DIS3L2: variants seen among roughly 807,000 people sequenced by gnomAD.
DIS3L2 encodes DIS3-like exonuclease 2.
DIS3L2 carries 34 observed loss-of-function variants against 97.5 expected under a neutral mutation model. The observed-to-expected ratio is 0.35, with a 90% CI of 0.27 to 0.46. The LOEUF (loss-of-function observed/expected upper bound fraction) is 0.46, where lower values mean the gene tolerates loss of function less well. Ranked by LOEUF, DIS3L2 falls within the 20% of genes least tolerant of loss-of-function variation. The pLI is 1.00. For synonymous variants in DIS3L2, 435 were observed against 445.2 expected, an observed-to-expected ratio of 0.98 and a Z score of 0.29; for missense variants, 1,038 against 1,146.0, an observed-to-expected ratio of 0.91 and a Z score of 1.36.
chr2:232,327,438 A>G (rs2106345471), intron 14 of DIS3L2, among the ~76,000 whole-genome samples: 1 of 152,358 alleles, frequency 6.6e-6, no homozygotes, highest in Non-Finnish European at 1.5e-5. Flanking sequence ...ATGGGGAGAA[A>G]AGTCCAGAAC....
chr2:232,325,708 T>C lies in DIS3L2; in HGVS notation c.1740-4105T>C, dbSNP rs1695552006. ...CCCCGTCTCCGAGGCCTTAGCTTGC[T>C]GTTCTGGAAGGTGATGCTGGCTGGC... is the stretch of plus-strand genomic sequence containing the variant. On this transcript the variant is annotated intron_variant, in intron 14 of 20. Transcript: ENST00000325385. The surrounding 1 kb of genome is among the most constrained non-coding windows in gnomAD (Gnocchi z 4.6). Among the ~76,000 whole-genome samples, 1 of 152,220 alleles carries C rather than the reference T, an allele frequency of 6.6e-6. No homozygotes were observed. Among genetic ancestry groups the C allele is most frequent in the South Asian group, 2.1e-4 (1 of 4,834 alleles).
downstream of DIS3L2, among the ~76,000 whole-genome samples, chr2:232,339,962 G>C (rs1378496406): frequency 1.3e-5 from 2 of 152,170 alleles, no homozygotes; most frequent in Admixed American, 1.3e-4. Context: ...GCTAGGTATG[G>C]AGAGAGCAGG....
intron 13 of DIS3L2, among the ~76,000 whole-genome samples, chr2:232,279,033 G>A (rs1251012628): frequency 6.6e-6 from 1 of 152,104 alleles, no homozygotes; most frequent in Non-Finnish European, 1.5e-5. Context: ...CGCCTCCTGG[G>A]TTCAAGTGAT....
chr2:232,041,825 TTGATACC>T (rs1695118089), intron 5 of DIS3L2, among the ~76,000 whole-genome samples: 1 of 152,238 alleles, frequency 6.6e-6, no homozygotes, highest in East Asian at 1.9e-4. Context: ...GCTTGATACA[TTGATACC>T]TGTTGGAAAC....
intron 8 of DIS3L2, among the ~76,000 whole-genome samples, chr2:232,157,154 TGTAGTCTC>T (rs1690515499): frequency 6.6e-6 from 1 of 152,192 alleles, no homozygotes; most frequent in Non-Finnish European, 1.5e-5. Context: ...TCAGGGTTCT[TGTAGTCTC>T]AGATTCCAAT....
chr2:232,259,292 C>T (rs1693653902), intron 12 of DIS3L2, among the ~76,000 whole-genome samples: 2 of 151,684 alleles, frequency 1.3e-5, no homozygotes, highest in African/African-American at 2.4e-5. Flanking sequence ...AGTAGAGGTG[C>T]CCATTAAGGA....
intron 1 of DIS3L2, among the ~76,000 whole-genome samples, chr2:231,971,435 C>T (rs1692905440): frequency 6.6e-6 from 1 of 151,748 alleles, no homozygotes; most frequent in South Asian, 2.1e-4. Flanking sequence ...TGTGCCACCA[C>T]GCCCAGCTCA....
chr2:232,257,719 G>A (rs1693604376), intron 12 of DIS3L2, among the ~76,000 whole-genome samples: 1 of 152,188 alleles, frequency 6.6e-6, no homozygotes, highest in Non-Finnish European at 1.5e-5. Context: ...ACATTTTTCA[G>A]AGGATAAATT....
intron 16 of DIS3L2, 77 bp from the exon 17 acceptor site, chr2:232,333,763 C>CA: frequency 2.6e-5 from 38 of 1,448,106 alleles, no homozygotes; most frequent in Admixed American, 2.6e-4. Context: ...GACGGTGAGG[C>CA]TGTGGGTGGT....
intron 9 of DIS3L2, among the ~76,000 whole-genome samples, chr2:232,209,661 A>G (rs1263513225): frequency 6.6e-6 from 1 of 152,170 alleles, no homozygotes; most frequent in East Asian, 1.9e-4. Flanking sequence ...AGGTGTTTAC[A>G]TGGTGGGAAT....
At chr2:232,337,582 G>T (rs893921377), downstream of DIS3L2, among the ~76,000 whole-genome samples, 1 of 152,076 alleles carries the variant, frequency 6.6e-6, no homozygotes, top group Non-Finnish European at 1.5e-5. Flanking sequence ...TCCCCAGCCA[G>T]CCTGACCCCA....
At chr2:232,015,441 AG>A in intron 2 of DIS3L2, 72 bp from the exon 3 acceptor site, 1 of 1,529,204 alleles carries the variant, frequency 6.5e-7, no homozygotes. Context: ...AATTGTAAAA[AG>A]GTATAATATC....
chr2:232,201,548 T>C (rs1691893445), intron 9 of DIS3L2, among the ~76,000 whole-genome samples: 1 of 152,216 alleles, frequency 6.6e-6, no homozygotes, highest in South Asian at 2.1e-4. Context: ...ACCAAATACA[T>C]TGTGGAAACT....
chr2:232,332,446 GGAGCCAGA>G (rs1338678225), intron 16 of DIS3L2, among the ~76,000 whole-genome samples: 3 of 151,894 alleles, frequency 2.0e-5, no homozygotes, highest in Non-Finnish European at 2.9e-5. Flanking sequence ...AGGGAGCAAG[GGAGCCAGA>G]GAGACATACA....
At chr2:232,120,637 T>C (rs1190067330) in intron 6 of DIS3L2, among the ~76,000 whole-genome samples, 1 of 152,116 alleles carries the variant, frequency 6.6e-6, no homozygotes, top group East Asian at 1.9e-4. Context: ...CCTGGCATTG[T>C]GGAACACAGA....
At chr2:232,101,150 T>G (rs535680399) in intron 6 of DIS3L2, among the ~76,000 whole-genome samples, 186 of 151,758 alleles carry the variant, frequency 1.2e-3, no homozygotes, top group African/African-American at 4.3e-3. Context: ...GAGAATCACT[T>G]GAACCCGGGA....
chr2:232,146,665 G>A lies in DIS3L2; in HGVS notation c.950+9946G>A, dbSNP rs111423960. ...GCTATTGACTACAGTCACCAGGGGAGGCCATACACTGAATTTATTAGAATA... is the reference window on the plus strand; with the variant it reads ...GCTATTGACTACAGTCACCAGGGGAAGCCATACACTGAATTTATTAGAATA... On this transcript the variant is annotated intron_variant, in intron 8 of 20. Coordinates refer to ENST00000325385, the MANE Select transcript of DIS3L2 (RefSeq NM_152383.5). Among the ~76,000 whole-genome samples, 522 of 152,200 alleles carry A rather than the reference G, an allele frequency of 3.4e-3. 5 individuals are homozygous for A. The highest frequency in any genetic ancestry group is 0.011 in the African/African-American group (477 of 41,540).
Position 232,024,333 on chromosome 2 carries a change from A to G in DIS3L2, c.264+3A>G, listed in dbSNP as rs1574819848. ...ATGAAGCCTTCATTCCTTCCCCGGTAAGTTCAATAAATTTATAATAAACTT... is the reference window on the plus strand; with the variant it reads ...ATGAAGCCTTCATTCCTTCCCCGGTGAGTTCAATAAATTTATAATAAACTT... On this transcript the variant is annotated splice_donor_region_variant and intron_variant, in intron 4 of 20. Transcript: ENST00000325385. The G allele has an allele frequency of 1.3e-6, 2 of 1,593,724 alleles. No homozygotes were observed. The highest frequency in any genetic ancestry group is 1.7e-5 in the Admixed American group (1 of 57,820).
chr2:232,296,997 G>T (rs1209758163), intron 13 of DIS3L2, among the ~76,000 whole-genome samples: 1 of 152,178 alleles, frequency 6.6e-6, no homozygotes. Flanking sequence ...ACTAAGTGCT[G>T]GTCACCACAG....
Sources: allele counts gnomAD v4.1 joint callset (sites outside exome capture counted in the v4.1 genomes callset), GRCh38; gene constraint gnomAD v4.1.1; non-coding constraint Gnocchi (gnomAD v3.1); transcripts MANE v1.5; gene names NCBI Gene and HGNC (gene_info 2026-07-23, HGNC 2026-07-21).